The following PACRG variants were observed in gnomAD, a reference collection of about 807,000 sequenced individuals.
The protein encoded by PACRG is parkin coregulated gene protein.
Under a neutral mutation model 29.7 loss-of-function variants are expected in PACRG, and 29 were observed. The ratio of observed to expected loss-of-function variants is 0.98; its 90% CI spans 0.73 to 1.33. The LOEUF (loss-of-function observed/expected upper bound fraction) is 1.33. PACRG is among the 40% of genes most tolerant of loss of function. The pLI, the probability that PACRG is intolerant of heterozygous loss-of-function variation, is 0.00. For synonymous variants in PACRG, 116 were observed against 118.7 expected (o/e 0.98, Z 0.15); for missense variants, 279 against 316.2 (o/e 0.88, Z 0.89).
chr6:163,071,700 G>A (rs1423491749), intron 3 of PACRG, among the ~76,000 whole-genome samples: 14 of 140,788 alleles, frequency 9.9e-5, no homozygotes, highest in African/African-American at 1.3e-4. Context: ...ATCTAAGTTA[G>A]AAAAAAAAAA....
chr6:163,141,444 G>GT (rs61532073), intron 4 of PACRG, among the ~76,000 whole-genome samples: 43,718 of 147,146 alleles, frequency 0.3, 7,584 homozygotes, highest in African/African-American at 0.48. Context: ...TAATGTATGT[G>GT]TTTTTTTTTT....
chr6:162,738,317 G>A (rs538530205), intron 1 of PACRG, among the ~76,000 whole-genome samples: 1 of 152,310 alleles, frequency 6.6e-6, no homozygotes, highest in South Asian at 2.1e-4. Context: ...TTACAGTGCA[G>A]GTTTCTGTAA....
chr6:163,111,417 G>A (rs2128319567), intron 4 of PACRG, among the ~76,000 whole-genome samples: 1 of 152,330 alleles, frequency 6.6e-6, no homozygotes, highest in Admixed American at 6.5e-5. Flanking sequence ...CCACTTTTAT[G>A]CATAATGAGG....
chr6:162,982,559 C>T (rs1259174654), intron 2 of PACRG, among the ~76,000 whole-genome samples: 1 of 151,830 alleles, frequency 6.6e-6, no homozygotes, highest in Non-Finnish European at 1.5e-5. Context: ...TCATTGTTGA[C>T]CCAAAGATCA....
intron 4 of PACRG, among the ~76,000 whole-genome samples, chr6:163,255,732 G>A (rs1783080095): frequency 6.6e-6 from 1 of 152,140 alleles, no homozygotes; most frequent in Non-Finnish European, 1.5e-5. Flanking sequence ...TGCCTCCCGG[G>A]TTCAAGCAAC....
chr6:162,795,945 C>T (rs1332079658), intron 1 of PACRG, among the ~76,000 whole-genome samples: 1 of 152,094 alleles, frequency 6.6e-6, no homozygotes, highest in Admixed American at 6.6e-5. Context: ...TAGTACCTTA[C>T]TAAGTTTCTA....
intron 4 of PACRG, among the ~76,000 whole-genome samples, chr6:163,160,181 G>T (rs1778498940): frequency 1.3e-5 from 2 of 152,170 alleles, no homozygotes; most frequent in African/African-American, 4.8e-5. Context: ...ACACAAGTTT[G>T]ATGAGGTTTC....
chr6:162,823,257 T>C (rs1444400447), intron 2 of PACRG, among the ~76,000 whole-genome samples: 1 of 152,198 alleles, frequency 6.6e-6, no homozygotes, highest in African/African-American at 2.4e-5. Context: ...CATGTATTTT[T>C]CTTTTCCTTT....
chr6:163,039,399 A>G (rs935730961), intron 2 of PACRG, among the ~76,000 whole-genome samples: 1 of 152,240 alleles, frequency 6.6e-6, no homozygotes, highest in African/African-American at 2.4e-5. Context: ...GGGTACTGCT[A>G]TAAAGATAAC....
At chr6:162,959,975 ACAT>A (rs199646497) in intron 2 of PACRG, among the ~76,000 whole-genome samples, 208 of 152,358 alleles carry the variant, frequency 1.4e-3, no homozygotes, top group African/African-American at 4.6e-3. Flanking sequence ...TCAAAAGAAG[ACAT>A]ACAAGCAGCC....
chr6:162,876,186 A>C (rs529171479), intron 2 of PACRG, among the ~76,000 whole-genome samples: 1 of 152,270 alleles, frequency 6.6e-6, no homozygotes, highest in Non-Finnish European at 1.5e-5. Context: ...AAGCAATGAC[A>C]AGTGGAACCT....
At chr6:163,228,379 C>CAA (rs11362557) in intron 4 of PACRG, among the ~76,000 whole-genome samples, 46 of 68,158 alleles carry the variant, frequency 6.7e-4, no homozygotes, top group African/African-American at 1.9e-3. Context: ...TTTAAGCAGG[C>CAA]AAAAAAAAAA....
intron 2 of PACRG, among the ~76,000 whole-genome samples, chr6:162,920,426 A>G (rs1303986064): frequency 4.6e-5 from 7 of 152,214 alleles, no homozygotes. Flanking sequence ...ACAGTTTACC[A>G]TAGACACAGC....
chr6:163,121,512 G>A (rs980961599), intron 4 of PACRG, among the ~76,000 whole-genome samples: 4 of 152,070 alleles, frequency 2.6e-5, no homozygotes, highest in Non-Finnish European at 4.4e-5. Context: ...ACTTCCAGCC[G>A]ATCCAGGACT....
At chr6:163,023,113 A>G (rs976555173) in intron 2 of PACRG, among the ~76,000 whole-genome samples, 1 of 152,204 alleles carries the variant, frequency 6.6e-6, no homozygotes, top group African/African-American at 2.4e-5. Flanking sequence ...CAGGTGGTAC[A>G]TACGCAGATT....
chr6:162,868,805 C>T (rs1282782461), intron 2 of PACRG, among the ~76,000 whole-genome samples: 2 of 152,142 alleles, frequency 1.3e-5, no homozygotes, highest in Admixed American at 6.5e-5. Flanking sequence ...AATCACAAAC[C>T]AACACTGAAT....
At chr6:162,888,464 G>T (rs1794524940) in intron 2 of PACRG, among the ~76,000 whole-genome samples, 1 of 152,102 alleles carries the variant, frequency 6.6e-6, no homozygotes, top group Non-Finnish European at 1.5e-5. Flanking sequence ...GGACTTGTCT[G>T]CTTGGAGATA....
chr6:162,957,365 G>GT (rs1311206263), intron 2 of PACRG: 10 of 618,252 alleles, frequency 1.6e-5, no homozygotes, highest in Non-Finnish European at 2.5e-5. Flanking sequence ...CTGCTGACAT[G>GT]TTTTTTTGTT....
intron 4 of PACRG, among the ~76,000 whole-genome samples, chr6:163,164,477 A>T (rs1346261604): frequency 3.9e-5 from 6 of 152,188 alleles, no homozygotes; most frequent in African/African-American, 1.2e-4. Flanking sequence ...ATGTCAGTCC[A>T]CACTCAGTGG....
Sources: gnomAD v4.1 joint callset for allele counts (sites outside exome capture counted in the v4.1 genomes callset) on GRCh38, gnomAD v4.1.1 for gene constraint, MANE v1.5 for transcripts, NCBI Gene and HGNC (gene_info 2026-07-23, HGNC 2026-07-21) for gene names.